Variants in ATAD2B observed in about 807,000 individuals in gnomAD.
ATAD2B encodes the protein ATPase family AAA domain containing 2B.
Under a neutral mutation model 167.6 loss-of-function variants are expected in ATAD2B, and 40 were observed. The ratio of observed to expected loss-of-function variants is 0.24; its 90% CI spans 0.19 to 0.31. The LOEUF is 0.31. Among genes scored for constraint, ATAD2B ranks in the 10% least tolerant of loss-of-function variants. The pLI, the probability that ATAD2B is intolerant of heterozygous loss-of-function variation, is 1.00. For synonymous variants in ATAD2B, 579 were observed against 596.5 expected (o/e 0.97, Z 0.43); for missense variants, 1,242 against 1,757.2 (o/e 0.71, Z 5.24).
At chr2:23,893,562 A>C (rs965000848) in intron 2 of ATAD2B, among the ~76,000 whole-genome samples, 6 of 151,902 alleles carry the variant, frequency 3.9e-5, no homozygotes, top group Admixed American at 2.0e-4. Context: ...CTAATAGGTC[A>C]AATTGCATTT....
chr2:23,924,826 A>G (rs1488918514), intron 1 of ATAD2B, among the ~76,000 whole-genome samples: 1 of 152,198 alleles, frequency 6.6e-6, no homozygotes, highest in Non-Finnish European at 1.5e-5. Flanking sequence ...TCATTAGATT[A>G]TTGATTCCTA....
intron 17 of ATAD2B, among the ~76,000 whole-genome samples, chr2:23,812,499 G>A (rs1685754350): frequency 1.3e-5 from 2 of 152,034 alleles, no homozygotes; most frequent in African/African-American, 2.4e-5. Flanking sequence ...TTTGGGAGGA[G>A]GGGAGTTTCA....
At chr2:23,687,288 G>A in the ATAD2B span, among the ~76,000 whole-genome samples, 1 of 152,140 alleles carries the variant, frequency 6.6e-6, no homozygotes, top group South Asian at 2.1e-4. Context: ...CCTCCCTGCT[G>A]TCCCCGCATC....
At chr2:23,792,100 T>C (rs934117690) in intron 19 of ATAD2B, among the ~76,000 whole-genome samples, 47 of 151,790 alleles carry the variant, frequency 3.1e-4, no homozygotes, top group African/African-American at 1.1e-3. Flanking sequence ...TCTTGCTCTG[T>C]CGCCCAGGCT....
chr2:23,858,776 T>TCCAG (rs1693860422), intron 12 of ATAD2B, among the ~76,000 whole-genome samples: 1 of 152,152 alleles, frequency 6.6e-6, no homozygotes, highest in Admixed American at 6.6e-5. Flanking sequence ...AGATACTGTG[T>TCCAG]CCAGCCTGCC....
the ATAD2B span, among the ~76,000 whole-genome samples, chr2:23,678,821 T>C: frequency 1.3e-5 from 2 of 152,116 alleles, no homozygotes; most frequent in Non-Finnish European, 2.9e-5. Context: ...ACAGGACAAA[T>C]ATTGCATAAT....
At chr2:23,736,802 G>A in the ATAD2B span, among the ~76,000 whole-genome samples, 1 of 152,168 alleles carries the variant, frequency 6.6e-6, no homozygotes, top group Admixed American at 6.5e-5. Context: ...GTCAAAGAAA[G>A]GGGTGACAGA....
At chr2:23,731,599 A>G in the ATAD2B span, among the ~76,000 whole-genome samples, 2 of 152,258 alleles carry the variant, frequency 1.3e-5, no homozygotes, top group Non-Finnish European at 2.9e-5. Context: ...TAAATCTTCT[A>G]GTAGCTGCAT....
chr2:23,817,111 AT>A (rs1367250528), intron 17 of ATAD2B, among the ~76,000 whole-genome samples: 1 of 152,230 alleles, frequency 6.6e-6, no homozygotes, highest in Non-Finnish European at 1.5e-5. Flanking sequence ...AAAGGCCTTA[AT>A]TCTAAAGTGT....
intron 13 of ATAD2B, among the ~76,000 whole-genome samples, chr2:23,848,745 A>G (rs1458215805): frequency 6.6e-6 from 1 of 152,230 alleles, no homozygotes; most frequent in African/African-American, 2.4e-5. Flanking sequence ...GGAAAAGGGA[A>G]AACAAGAAAC....
At chr2:23,794,956 G>A (rs1178674801) in intron 19 of ATAD2B, among the ~76,000 whole-genome samples, 1 of 152,120 alleles carries the variant, frequency 6.6e-6, no homozygotes, top group Non-Finnish European at 1.5e-5. Context: ...AGAGACACAA[G>A]AGAATGTCAA....
the ATAD2B span, among the ~76,000 whole-genome samples, chr2:23,704,803 G>A: frequency 3.9e-5 from 6 of 152,210 alleles, no homozygotes; most frequent in African/African-American, 1.4e-4. Flanking sequence ...TCATTGTCAG[G>A]ACTCCCATAG....
At chr2:23,773,819 C>A (rs1365742163) in intron 22 of ATAD2B, among the ~76,000 whole-genome samples, 2 of 152,118 alleles carry the variant, frequency 1.3e-5, no homozygotes, top group Non-Finnish European at 2.9e-5. Context: ...GGTTTGCACA[C>A]AGGTAATTAT....
intron 13 of ATAD2B, among the ~76,000 whole-genome samples, chr2:23,851,790 A>T (rs1442555814): frequency 1.3e-5 from 2 of 152,180 alleles, no homozygotes; most frequent in South Asian, 2.1e-4. Flanking sequence ...ACTAATTTTT[A>T]AAAATATAAG....
At position 23,880,630 on chromosome 2, in the gene ATAD2B, G is replaced by C. The variant is rs1697740683; in HGVS notation, c.901+9C>G. ...ACCAGAAAGAAAAAAGTTATTTAGAGTTGCCTACCTATTGGAGGTGCTTGG... is the reference window on the plus strand; with the variant it reads ...ACCAGAAAGAAAAAAGTTATTTAGACTTGCCTACCTATTGGAGGTGCTTGG... On this transcript the variant is annotated intron_variant, in intron 7 of 27. Coordinates refer to ENST00000238789, the MANE Select transcript of ATAD2B (RefSeq NM_017552.4). The C allele has an allele frequency of 4.7e-6, 7 of 1,499,002 alleles. No homozygotes were observed. Among genetic ancestry groups the C allele is most frequent in the Non-Finnish European group, 6.4e-6 (7 of 1,090,664 alleles). 92.9% of individuals were successfully genotyped at this position (1,499,002 alleles called of 1,614,324 possible).
chr2:23,810,581 C>T (rs1257712447), intron 17 of ATAD2B, 79 bp from the exon 18 acceptor site: 10 of 1,161,842 alleles, frequency 8.6e-6, no homozygotes, highest in African/African-American at 1.5e-5. Context: ...AAAATTTTTA[C>T]ATTAAAACAA....
At chr2:23,758,186 G>T (rs1217810390) in intron 24 of ATAD2B, 85 bp from the exon 25 acceptor site, 2 of 1,133,796 alleles carry the variant, frequency 1.8e-6, no homozygotes, top group South Asian at 1.6e-5. Context: ...GGACCCAAAA[G>T]AAAGTAAACC....
the ATAD2B span, among the ~76,000 whole-genome samples, chr2:23,711,852 A>C: frequency 6.6e-6 from 1 of 152,224 alleles, no homozygotes; most frequent in Non-Finnish European, 1.5e-5. Flanking sequence ...ATCCCTGTAC[A>C]TGTCTCCTCT....
At chr2:23,813,905 G>GT (rs1407480626) in intron 17 of ATAD2B, among the ~76,000 whole-genome samples, 1 of 152,030 alleles carries the variant, frequency 6.6e-6, no homozygotes, top group Non-Finnish European at 1.5e-5. Flanking sequence ...AAAAACCTCT[G>GT]TAACCCAAAA....
Sources: allele counts gnomAD v4.1 joint callset (sites outside exome capture counted in the v4.1 genomes callset), GRCh38; gene constraint gnomAD v4.1.1; transcripts MANE v1.5; gene names NCBI Gene and HGNC (gene_info 2026-07-23, HGNC 2026-07-21).